Variants in GRM5 observed in about 807,000 individuals in gnomAD.
The protein encoded by GRM5 is glutamate metabotropic receptor 5.
Under a neutral mutation model 83.1 loss-of-function variants are expected in GRM5, and 19 were observed. That is an observed-to-expected ratio of 0.23 (90% CI 0.16 to 0.34). The LOEUF is 0.34. GRM5 is among the 10% of genes least tolerant of loss of function. GRM5 has a pLI of 1.00. For missense variants in GRM5, 1,160 were observed against 1,588.3 expected (o/e 0.73, Z 4.58); for synonymous variants, 675 against 633.6 (o/e 1.07, Z -0.98).
chr11:88,877,226 G>GT (rs1944869755), intron 2 of GRM5, among the ~76,000 whole-genome samples: 2 of 151,990 alleles, frequency 1.3e-5, no homozygotes, highest in African/African-American at 4.8e-5. Flanking sequence ...ATTTTGACAA[G>GT]TATTTGAGGT....
At chr11:88,525,852 G>A (rs1941861651) in intron 8 of GRM5, among the ~76,000 whole-genome samples, 1 of 152,186 alleles carries the variant, frequency 6.6e-6, no homozygotes, top group African/African-American at 2.4e-5. Context: ...TTTTACTGAT[G>A]AAGAAACCTA....
chr11:88,876,962 G>A (rs190036046), intron 2 of GRM5, among the ~76,000 whole-genome samples: 54 of 152,136 alleles, frequency 3.5e-4, no homozygotes, highest in Admixed American at 1.8e-3. Context: ...AAGAAGTCAC[G>A]CACCTAAGGC....
rs1250284623 is a variant in GRM5, at chr11:88,649,068, AT to A, written c.1147+4099del. Reference sequence around the variant, plus strand: ...ATACATAATATATAATATATATATTATAATATATAATACATATATTAAAATA... The same window carrying A: ...ATACATAATATATAATATATATATTAAATATATAATACATATATTAAAATA... On this transcript the variant is annotated intron_variant, in intron 4 of 9. Coordinates refer to ENST00000305447, the MANE Select transcript of GRM5 (RefSeq NM_001143831.3). Among the ~76,000 whole-genome samples, 11 of 145,102 alleles carry A rather than the reference AT, an allele frequency of 7.6e-5. 1 individual carries two copies. Among genetic ancestry groups the A allele is most frequent in the African/African-American group, 2.8e-4 (11 of 39,954 alleles).
At position 88,678,266 on chromosome 11, in the gene GRM5, C is replaced by A. The variant is rs573981584; in HGVS notation, c.912-24863G>T. ...TAATGATGGGGTCTTTCTATGTTAGCCAGGCTCGTCTTGAACTCCTGGGCT... is the reference window on the plus strand; with the variant it reads ...TAATGATGGGGTCTTTCTATGTTAGACAGGCTCGTCTTGAACTCCTGGGCT... On this transcript the variant is annotated intron_variant, in intron 3 of 9. Transcript: ENST00000305447. Among the ~76,000 whole-genome samples, 10 of 152,068 alleles carry A rather than the reference C, an allele frequency of 6.6e-5. No homozygotes were observed. The South Asian group carries it at 1.0e-3, about 16-fold the overall frequency.
chr11:89,021,342 A>C (rs1940979135), intron 2 of GRM5, among the ~76,000 whole-genome samples: 4 of 152,198 alleles, frequency 2.6e-5, no homozygotes, highest in Admixed American at 2.0e-4. Context: ...ATCAGCCCAC[A>C]GCCAAGGTTC....
chr11:88,707,930 A>G (rs1338788222), intron 3 of GRM5, among the ~76,000 whole-genome samples: 2 of 152,028 alleles, frequency 1.3e-5, no homozygotes, highest in Non-Finnish European at 1.5e-5. Flanking sequence ...TGTTACCATC[A>G]CTGGAAGGCA....
chr11:88,809,445 C>A (rs1943552067), intron 3 of GRM5, among the ~76,000 whole-genome samples: 1 of 151,966 alleles, frequency 6.6e-6, no homozygotes, highest in African/African-American at 2.4e-5. Flanking sequence ...TTCATTTGGT[C>A]ATTTGTTTCC....
chr11:88,717,372 A>C (rs1373916060), intron 3 of GRM5, among the ~76,000 whole-genome samples: 1 of 151,914 alleles, frequency 6.6e-6, no homozygotes, highest in Non-Finnish European at 1.5e-5. Context: ...TATTTATTGA[A>C]TGGTTATTGT....
chr11:88,678,099 C>T (rs1014298024), intron 3 of GRM5, among the ~76,000 whole-genome samples: 1 of 149,954 alleles, frequency 6.7e-6, no homozygotes, highest in Non-Finnish European at 1.5e-5. Context: ...TACTCTGTCT[C>T]CCCGGCTGGA....
chr11:88,722,443 C>T (rs1486746995), intron 3 of GRM5, among the ~76,000 whole-genome samples: 1 of 152,070 alleles, frequency 6.6e-6, no homozygotes, highest in Non-Finnish European at 1.5e-5. Context: ...AGGGAGAACT[C>T]GGAAGTGAGA....
intron 3 of GRM5, among the ~76,000 whole-genome samples, chr11:88,782,369 T>C (rs1942990287): frequency 1.3e-5 from 2 of 152,080 alleles, no homozygotes; most frequent in South Asian, 4.2e-4. Context: ...CTTACATGGG[T>C]GACAGCAGGC....
At position 88,507,646 on chromosome 11, in the gene GRM5, A is replaced by C. The variant is rs1941213435; in HGVS notation, c.*946T>G. ...ATTTTAATATTTTAGTTGGCAATGC[A>C]AACGCAACAGCATTCCTAAAGAGTG... On this transcript the variant is annotated 3_prime_UTR_variant, in exon 10 of 10. Coordinates refer to ENST00000305447, the MANE Select transcript of GRM5 (RefSeq NM_001143831.3). 6.6e-6 allele frequency: 1 copy of C among 152,298 alleles called. No individual in the cohort carries two copies. The highest frequency in any genetic ancestry group is 6.5e-5 in the Admixed American group (1 of 15,290). 9.4% of individuals were successfully genotyped at this position (152,298 alleles called of 1,614,324 possible). A position where few individuals can be genotyped will look rare whatever the true frequency, so the allele number is the denominator to read the frequency against.
At chr11:88,724,790 G>A (rs917453307) in intron 3 of GRM5, among the ~76,000 whole-genome samples, 5 of 152,066 alleles carry the variant, frequency 3.3e-5, no homozygotes, top group African/African-American at 1.2e-4. Context: ...CACTTCTTCC[G>A]GGAAGTACAA....
chr11:88,973,789 A>T (rs673980), intron 2 of GRM5, among the ~76,000 whole-genome samples: 93,283 of 151,382 alleles, frequency 0.62, 30,298 homozygotes, highest in African/African-American at 0.83. Context: ...TACTCTTAAC[A>T]TTTTTGAAAC....
chr11:88,922,217 A>T (rs1303173608), intron 2 of GRM5, among the ~76,000 whole-genome samples: 2 of 152,192 alleles, frequency 1.3e-5, no homozygotes, highest in African/African-American at 4.8e-5. Context: ...ACCTTCTCAC[A>T]TAAGTAGAAA....
chr11:88,526,446 G>C (rs933878555), intron 8 of GRM5, among the ~76,000 whole-genome samples: 1 of 152,204 alleles, frequency 6.6e-6, no homozygotes, highest in African/African-American at 2.4e-5. Flanking sequence ...AGCCTCATCA[G>C]TAGAGAATAA....
chr11:88,987,376 C>T (rs934830602), intron 2 of GRM5, among the ~76,000 whole-genome samples: 2 of 152,104 alleles, frequency 1.3e-5, no homozygotes, highest in African/African-American at 4.8e-5. Context: ...CGGAGTCTCA[C>T]TGATTGCTAG....
At chr11:88,747,760 C>T (rs1385375529) in intron 3 of GRM5, among the ~76,000 whole-genome samples, 2 of 150,068 alleles carry the variant, frequency 1.3e-5, no homozygotes, top group African/African-American at 4.9e-5. Flanking sequence ...GGACTAAAAA[C>T]ATATAGAAAT....
rs755413597 is a variant in GRM5 at position 88,525,385 on chromosome 11, C to G, written c.2650G>C (p.Ala884Pro). ...ETLRYKDRRL[A>P]QHKSEIECFT... is the part of the protein sequence containing the mutation. ...CACTCTATTTCCGACTTGTGCTGGG[C>G]CAGTCTCCTGTCTTTGTACCTGGTG... is the stretch of plus-strand genomic sequence containing the variant. Residue 884 changes from alanine to proline, a missense_variant, in exon 9 of 10, where the codon GCC becomes CCC. Ala to Pro is a conservative substitution (Grantham distance 27). Transcript: ENST00000305447. 1.9e-5 allele frequency: 31 copies of G among 1,609,270 alleles called. No homozygotes were observed. The South Asian group carries it at 3.1e-4, about 16-fold the overall frequency.
Sources: allele counts gnomAD v4.1 joint callset (sites outside exome capture counted in the v4.1 genomes callset), GRCh38; gene constraint gnomAD v4.1.1; transcripts MANE v1.5; gene names NCBI Gene and HGNC (gene_info 2026-07-23, HGNC 2026-07-21).